Variants in ASCC1 observed in about 807,000 individuals in gnomAD.
ASCC1 encodes the protein activating signal cointegrator 1 complex subunit 1.
A neutral mutation model predicts 46.6 loss-of-function variants in ASCC1; 35 were observed. The observed-to-expected ratio is 0.75, with a 90% CI of 0.57 to 0.99. The LOEUF (loss-of-function observed/expected upper bound fraction) is 0.99. Ranked by LOEUF, ASCC1 falls within the 50% of genes least tolerant of loss-of-function variation. The pLI is 0.00. For synonymous variants in ASCC1, 143 were observed against 146.6 expected, an observed-to-expected ratio of 0.98 and a Z score of 0.18; for missense variants, 376 against 428.7, an observed-to-expected ratio of 0.88 and a Z score of 1.09.
At chr10:72,152,800 T>G in intron 7 of ASCC1, 69 bp downstream of exon 7, 1 of 1,582,186 alleles carries the variant, frequency 6.3e-7, no homozygotes, top group Non-Finnish European at 8.7e-7. Flanking sequence ...GGAATCAAAA[T>G]GAATCAAACT....
intron 9 of ASCC1, among the ~76,000 whole-genome samples, chr10:72,115,412 T>A (rs553260528): frequency 6.6e-6 from 1 of 152,176 alleles, no homozygotes; most frequent in African/African-American, 2.4e-5. Flanking sequence ...AGAGGTAGTA[T>A]CTGTATTGGA....
At chr10:72,141,775 TG>T (rs1847044455) in intron 7 of ASCC1, among the ~76,000 whole-genome samples, 1 of 152,238 alleles carries the variant, frequency 6.6e-6, no homozygotes, top group Admixed American at 6.5e-5. Flanking sequence ...ATACAATGCC[TG>T]GTACTTTGTA....
chr10:72,136,348 G>A (rs1243416664), intron 7 of ASCC1, among the ~76,000 whole-genome samples: 1 of 152,134 alleles, frequency 6.6e-6, no homozygotes, highest in Admixed American at 6.6e-5. Context: ...CTATGAAAAC[G>A]CACCAATCAG....
intron 9 of ASCC1, among the ~76,000 whole-genome samples, chr10:72,103,329 T>G (rs1842004234): frequency 6.6e-6 from 1 of 151,358 alleles, no homozygotes; most frequent in South Asian, 2.1e-4. Context: ...AGATGGGGTT[T>G]CACCGTGTTA....
At chr10:72,175,693 G>A (rs1185520068) in intron 5 of ASCC1, among the ~76,000 whole-genome samples, 1 of 152,158 alleles carries the variant, frequency 6.6e-6, no homozygotes, top group East Asian at 1.9e-4. Flanking sequence ...CATTAAAGAG[G>A]AGTGAAGAGC....
chr10:72,107,305 C>T (rs962538760), intron 9 of ASCC1, among the ~76,000 whole-genome samples: 2 of 138,642 alleles, frequency 1.4e-5, no homozygotes, highest in African/African-American at 5.3e-5. Flanking sequence ...ATAAGTTACC[C>T]CCCCCCCAAA....
intron 4 of ASCC1, 109 bp from the exon 5 acceptor site, chr10:72,197,098 A>G (rs578082618): frequency 2.1e-6 from 2 of 954,926 alleles, no homozygotes; most frequent in Admixed American, 3.6e-5. Context: ...CTGAATGCGT[A>G]TATGAATCTA....
chr10:72,102,385 A>G (rs1248988093), intron 9 of ASCC1: 1 of 1,549,968 alleles, frequency 6.5e-7, no homozygotes, highest in East Asian at 2.4e-5. Context: ...TTTTCCTGGT[A>G]GGCTCTGAGA....
At position 72,096,036 on chromosome 10, in the gene ASCC1, G is replaced by A. The variant is rs992426615; in HGVS notation, c.*1298C>T. On this transcript the variant is annotated 3_prime_UTR_variant, in exon 10 of 10. Transcript: ENST00000672957. ...ATGTGATCATACTAACAGAAACACCGTTAAACATTTTATTCACAAGTGATT... is the reference window on the plus strand; with the variant it reads ...ATGTGATCATACTAACAGAAACACCATTAAACATTTTATTCACAAGTGATT... 4 of 436,578 alleles carry A rather than the reference G, an allele frequency of 9.2e-6. No homozygotes were observed. The highest frequency in any genetic ancestry group is 1.4e-5 in the Non-Finnish European group (3 of 215,992). 27.0% of individuals were successfully genotyped at this position (436,578 alleles called of 1,614,324 possible). A position where few individuals can be genotyped will look rare whatever the true frequency, so the allele number is the denominator to read the frequency against.
intron 5 of ASCC1, among the ~76,000 whole-genome samples, chr10:72,161,926 G>GA (rs761941715): frequency 3.9e-5 from 6 of 152,016 alleles, no homozygotes; most frequent in Admixed American, 1.3e-4. Flanking sequence ...TCATGACCTG[G>GA]AATTCAGCAA....
intron 7 of ASCC1, among the ~76,000 whole-genome samples, chr10:72,136,565 A>G (rs1846236158): frequency 6.6e-6 from 1 of 152,232 alleles, no homozygotes; most frequent in South Asian, 2.1e-4. Context: ...GAATGGGCCA[A>G]TCAGCAGGGG....
At chr10:72,125,665 A>G (rs1844780158) in intron 9 of ASCC1, among the ~76,000 whole-genome samples, 1 of 152,178 alleles carries the variant, frequency 6.6e-6, no homozygotes, top group African/African-American at 2.4e-5. Context: ...TATTTTAAAA[A>G]AGAAGCTAAT....
At chr10:72,215,256 G>A (rs41282256) in intron 1 of ASCC1, among the ~76,000 whole-genome samples, 2,913 of 152,300 alleles carry the variant, frequency 0.019, 48 homozygotes, top group Non-Finnish European at 0.032. Context: ...GAAAGTAGCC[G>A]GGTGTGGTGG....
chr10:72,109,802 G>A (rs144711393), intron 9 of ASCC1, among the ~76,000 whole-genome samples: 1 of 152,166 alleles, frequency 6.6e-6, no homozygotes, highest in African/African-American at 2.4e-5. Flanking sequence ...AATAATATGA[G>A]TAGGGGTAGG....
At chr10:72,216,469 G>T (rs1003599276), upstream of ASCC1, among the ~76,000 whole-genome samples, 4 of 5,598 alleles carry the variant, frequency 7.1e-4, no homozygotes, top group African/African-American at 2.2e-3. Context: ...GCCCACCCCC[G>T]CCCCGTTCCC....
At chr10:72,110,213 T>C (rs1309992502) in intron 9 of ASCC1, among the ~76,000 whole-genome samples, 2 of 152,274 alleles carry the variant, frequency 1.3e-5, no homozygotes, top group African/African-American at 4.8e-5. Context: ...TTATTCATAA[T>C]GGTCCCTCAA....
intron 6 of ASCC1, among the ~76,000 whole-genome samples, 153 bp downstream of exon 6, chr10:72,161,385 T>C (rs1589408823): frequency 6.6e-6 from 1 of 152,206 alleles, no homozygotes; most frequent in African/African-American, 2.4e-5. Flanking sequence ...GAATCTGGTA[T>C]GAGAGGTTAG....
At chr10:72,190,427 C>T in intron 5 of ASCC1, 1 of 1,597,774 alleles carries the variant, frequency 6.3e-7, no homozygotes, top group Non-Finnish European at 8.5e-7. Flanking sequence ...CAAACCAGTC[C>T]ACAACCACAG....
chr10:72,120,878 AAAG>A (rs1366824621), intron 9 of ASCC1, among the ~76,000 whole-genome samples: 1 of 152,132 alleles, frequency 6.6e-6, no homozygotes, highest in Non-Finnish European at 1.5e-5. Flanking sequence ...ATATGCTAAG[AAAG>A]AAGAGAAAAA....
Sources: allele counts gnomAD v4.1 joint callset (sites outside exome capture counted in the v4.1 genomes callset), GRCh38; gene constraint gnomAD v4.1.1; transcripts MANE v1.5; gene names NCBI Gene and HGNC (gene_info 2026-07-23, HGNC 2026-07-21).